GLIS3: variants seen among roughly 807,000 people sequenced by gnomAD.
GLIS3 encodes GLIS family zinc finger 3, also known as zinc finger protein GLIS3.
In GLIS3, 53 loss-of-function variants were observed where a neutral mutation model predicts 78.6. That is an observed-to-expected ratio of 0.67 (90% CI 0.54 to 0.85). The LOEUF is 0.85. Ranked by LOEUF, GLIS3 falls within the 40% of genes least tolerant of loss-of-function variation. GLIS3 has a pLI of 0.00. For missense variants in GLIS3, 1,703 were observed against 1,231.1 expected, an observed-to-expected ratio of 1.38 and a Z score of -5.74; for synonymous variants, 684 against 509.9, an observed-to-expected ratio of 1.34 and a Z score of -4.60.
chr9:4,042,313 A>G (rs576803580), intron 4 of GLIS3, among the ~76,000 whole-genome samples: 40 of 152,220 alleles, frequency 2.6e-4, no homozygotes, highest in Admixed American at 5.2e-4. Flanking sequence ...TCAGCAGAAT[A>G]GAGAAGTGAA....
intron 8 of GLIS3, among the ~76,000 whole-genome samples, chr9:3,872,294 A>G (rs951498031): frequency 2.0e-5 from 3 of 151,984 alleles, no homozygotes; most frequent in Admixed American, 6.6e-5. Flanking sequence ...AACTGTTCCA[A>G]CCCCTGTCTG....
At chr9:4,386,119 G>A in the GLIS3 span, among the ~76,000 whole-genome samples, 9 of 152,104 alleles carry the variant, frequency 5.9e-5, no homozygotes, top group African/African-American at 9.7e-5. Context: ...TATTGTAACA[G>A]CACATGTCCA....
the GLIS3 span, among the ~76,000 whole-genome samples, chr9:4,463,613 G>C: frequency 5.9e-5 from 9 of 152,172 alleles, no homozygotes; most frequent in Non-Finnish European, 8.8e-5. Flanking sequence ...GCTGTTTTAG[G>C]AGAATACACT....
chr9:4,263,872 C>G (rs1280238999), intron 2 of GLIS3, among the ~76,000 whole-genome samples: 1 of 152,176 alleles, frequency 6.6e-6, no homozygotes, highest in African/African-American at 2.4e-5. Context: ...CTTCCTCTTT[C>G]TAGCCTCCAA....
intron 7 of GLIS3, among the ~76,000 whole-genome samples, chr9:3,885,609 G>A (rs1363200696): frequency 6.6e-6 from 1 of 152,162 alleles, no homozygotes; most frequent in Non-Finnish European, 1.5e-5. Flanking sequence ...GTCAAGGCAC[G>A]GAGGATAAGC....
chr9:4,326,390 T>C (rs1420365170), intron 2 of GLIS3, among the ~76,000 whole-genome samples: 1 of 152,154 alleles, frequency 6.6e-6, no homozygotes, highest in Admixed American at 6.5e-5. Flanking sequence ...AGCAAGGAAA[T>C]GCGGACACAT....
At chr9:4,071,032 G>C (rs1827560317) in intron 4 of GLIS3, 2 of 152,036 alleles carry the variant, frequency 1.3e-5, no homozygotes. Context: ...ACTTGTTTAT[G>C]ATGCTTTGAC....
chr9:3,881,721 T>C (rs888691893), intron 7 of GLIS3, among the ~76,000 whole-genome samples: 11 of 152,236 alleles, frequency 7.2e-5, no homozygotes, highest in African/African-American at 2.7e-4. Context: ...TTATATTCCA[T>C]ATTGATAAGT....
At chr9:4,099,214 G>T (rs549079409) in intron 4 of GLIS3, among the ~76,000 whole-genome samples, 1 of 152,178 alleles carries the variant, frequency 6.6e-6, no homozygotes, top group East Asian at 1.9e-4. Flanking sequence ...GAAATGCATC[G>T]TCTTTAATGG....
chr9:4,187,831 T>C (rs1023901588), intron 2 of GLIS3, among the ~76,000 whole-genome samples: 80 of 152,248 alleles, frequency 5.3e-4, no homozygotes, highest in Middle Eastern at 6.8e-3. Context: ...GCTTGTGATT[T>C]TTGCACATTG....
At chr9:3,881,385 T>C (rs373985594) in intron 7 of GLIS3, among the ~76,000 whole-genome samples, 1 of 152,170 alleles carries the variant, frequency 6.6e-6, no homozygotes, top group African/African-American at 2.4e-5. Flanking sequence ...TGTATGTATG[T>C]GCATGTGTTC....
chr9:4,194,002 G>T (rs2131230681), intron 2 of GLIS3, among the ~76,000 whole-genome samples: 1 of 152,290 alleles, frequency 6.6e-6, no homozygotes, highest in South Asian at 2.1e-4. Flanking sequence ...ATGTAATTTT[G>T]TGGCTGCTGA....
At chr9:4,385,665 CAAAAAAA>C in the GLIS3 span, among the ~76,000 whole-genome samples, 585 of 75,304 alleles carry the variant, frequency 7.8e-3, 21 homozygotes, top group Non-Finnish European at 0.011. Context: ...AACTCCATCT[CAAAAAAA>C]AAAAAAAAAA....
rs540935681 is a variant in GLIS3 at position 3,919,840 on chromosome 9, C to T, written c.1983+12520G>A. Among the ~76,000 whole-genome samples the T allele has an allele frequency of 7.9e-5, 12 of 151,836 alleles. No homozygotes were observed. The South Asian group carries it at 8.3e-4, about 11-fold the overall frequency. On this transcript the variant is annotated intron_variant, in intron 6 of 10. Coordinates refer to ENST00000381971, the MANE Select transcript of GLIS3 (RefSeq NM_001042413.2). ...ACAATATTAATTGTAATACTAGCCT[C>T]GTAGAATTGTTTTGAAGACTGAAAA...
intron 2 of GLIS3, among the ~76,000 whole-genome samples, chr9:4,196,644 C>T (rs1042501305): frequency 2.6e-5 from 4 of 152,128 alleles, no homozygotes; most frequent in Non-Finnish European, 4.4e-5. Context: ...CCAGTGAGAC[C>T]ACAAACCAAC....
intron 2 of GLIS3, among the ~76,000 whole-genome samples, chr9:4,278,770 G>C (rs74884204): frequency 1.3e-5 from 2 of 152,232 alleles, no homozygotes; most frequent in Non-Finnish European, 2.9e-5. Context: ...CATTTTGAAA[G>C]AGAAAGTGTC....
intron 9 of GLIS3, among the ~76,000 whole-genome samples, chr9:3,841,819 A>G (rs537716008): frequency 9.2e-5 from 14 of 152,304 alleles, no homozygotes; most frequent in African/African-American, 2.9e-4. Context: ...AGTAAAACCC[A>G]CTAAAAATTC....
chr9:4,008,468 C>G (rs1436435484), intron 4 of GLIS3, among the ~76,000 whole-genome samples: 1 of 152,162 alleles, frequency 6.6e-6, no homozygotes, highest in Non-Finnish European at 1.5e-5. Context: ...CAAAATCCAG[C>G]CCCTACTAAG....
chr9:4,024,381 T>C (rs1387630636), intron 4 of GLIS3, among the ~76,000 whole-genome samples: 2 of 152,204 alleles, frequency 1.3e-5, no homozygotes, highest in African/African-American at 4.8e-5. Context: ...GGATAGAATT[T>C]ATTATTTTTT....
Sources: gnomAD v4.1 joint callset for allele counts (sites outside exome capture counted in the v4.1 genomes callset) on GRCh38, gnomAD v4.1.1 for gene constraint, MANE v1.5 for transcripts, NCBI Gene and HGNC (gene_info 2026-07-23, HGNC 2026-07-21) for gene names.